Variants in CACNA2D3 observed in about 807,000 individuals in gnomAD.
The protein encoded by CACNA2D3 is calcium voltage-gated channel auxiliary subunit alpha2delta 3, also known as voltage-dependent calcium channel subunit alpha-2/delta-3.
Under a neutral mutation model 160.6 loss-of-function variants are expected in CACNA2D3, and 60 were observed. That is an observed-to-expected ratio of 0.37 (90% CI 0.30 to 0.46). CACNA2D3 has a LOEUF of 0.46. Ranked by LOEUF, CACNA2D3 falls within the 20% of genes least tolerant of loss-of-function variation. CACNA2D3 has a pLI of 1.00. For synonymous variants in CACNA2D3, 558 were observed against 492.9 expected (o/e 1.13, Z -1.75); for missense variants, 1,205 against 1,365.0 (o/e 0.88, Z 1.85).
At chr3:54,407,392 C>T (rs1279990561) in intron 4 of CACNA2D3, among the ~76,000 whole-genome samples, 1 of 152,076 alleles carries the variant, frequency 6.6e-6, no homozygotes. Flanking sequence ...TGAAAGCATG[C>T]CTATTGCTTT....
At chr3:54,384,789 G>A (rs185040502) in intron 3 of CACNA2D3, among the ~76,000 whole-genome samples, 3 of 151,602 alleles carry the variant, frequency 2.0e-5, no homozygotes, top group South Asian at 2.1e-4. Flanking sequence ...GTGTGATCTC[G>A]GCTCACTGCA....
At chr3:54,214,464 GA>G (rs1466596399) in intron 2 of CACNA2D3, among the ~76,000 whole-genome samples, 1 of 152,166 alleles carries the variant, frequency 6.6e-6, no homozygotes, top group Non-Finnish European at 1.5e-5. Flanking sequence ...ACAAGATCTG[GA>G]GCCAAAGGGC....
At chr3:54,832,021 ACACAC>A (rs1703891209) in intron 14 of CACNA2D3, among the ~76,000 whole-genome samples, 1 of 135,382 alleles carries the variant, frequency 7.4e-6, no homozygotes, top group African/African-American at 3.2e-5. Flanking sequence ...TCACACACAC[ACACAC>A]ACACACACAC....
At chr3:55,042,027 T>A (rs1471001517) in intron 35 of CACNA2D3, among the ~76,000 whole-genome samples, 1 of 152,178 alleles carries the variant, frequency 6.6e-6, no homozygotes, top group African/African-American at 2.4e-5. Flanking sequence ...TTCTGCATGA[T>A]GTCAGTATTT....
intron 4 of CACNA2D3, among the ~76,000 whole-genome samples, chr3:54,466,322 A>C (rs1053399345): frequency 4.6e-4 from 70 of 152,212 alleles, no homozygotes; most frequent in African/African-American, 1.6e-3. Flanking sequence ...TACTAAAAGA[A>C]GTCTCAAATT....
chr3:54,902,875 C>T (rs1450254714), intron 27 of CACNA2D3, among the ~76,000 whole-genome samples: 2 of 152,082 alleles, frequency 1.3e-5, no homozygotes, highest in Non-Finnish European at 2.9e-5. Context: ...AATAAAAATG[C>T]TAGAGTTTAG....
At chr3:54,876,151 G>A (rs894938315) in intron 18 of CACNA2D3, 14 of 152,138 alleles carry the variant, frequency 9.2e-5, no homozygotes, top group African/African-American at 3.4e-4. Flanking sequence ...CAAGTTCAAA[G>A]CAGTGAACAT....
rs146831678 is a variant in CACNA2D3 at position 54,232,998 on chromosome 3, A to T, written c.205-87444A>T. Among the ~76,000 whole-genome samples the T allele has an allele frequency of 4.0e-3, 603 of 152,324 alleles. 9 individuals carry two copies. The highest frequency in any genetic ancestry group is 2.7e-3 in the Non-Finnish European group (187 of 68,030). ...GGAGACACCAGCCAGACAAATAGTT[A>T]TACGCAATAAGGTGAATGCTCTGAC... On this transcript the variant is annotated intron_variant, in intron 2 of 37. Coordinates refer to ENST00000474759, the MANE Select transcript of CACNA2D3 (RefSeq NM_018398.3).
chr3:54,928,821 T>C (rs1244686028), intron 27 of CACNA2D3, among the ~76,000 whole-genome samples: 2 of 151,992 alleles, frequency 1.3e-5, no homozygotes, highest in Non-Finnish European at 2.9e-5. Flanking sequence ...CCCTCACTTT[T>C]CACATATAAA....
chr3:54,822,840 C>CTTTCTTTCTTTCTTTCTTTCTTTCT, intron 14 of CACNA2D3, among the ~76,000 whole-genome samples: 7 of 103,696 alleles, frequency 6.8e-5, no homozygotes, highest in African/African-American at 2.9e-4. Context: ...TCTTTTCTTT[C>CTTTCTTTCTTTCTTTCTTTCTTTCT]TTTCTTTCTT....
intron 11 of CACNA2D3, among the ~76,000 whole-genome samples, chr3:54,688,967 G>A (rs916229476): frequency 3.8e-5 from 4 of 104,864 alleles, no homozygotes; most frequent in Non-Finnish European, 5.2e-5. Context: ...GGGAGACAGT[G>A]TGAGACTGTC....
intron 2 of CACNA2D3, among the ~76,000 whole-genome samples, chr3:54,124,514 T>C (rs578139371): frequency 6.6e-6 from 1 of 152,320 alleles, no homozygotes; most frequent in East Asian, 1.9e-4. Context: ...ACAAACAGCT[T>C]AAATTGTTAA....
intron 3 of CACNA2D3, among the ~76,000 whole-genome samples, chr3:54,331,297 T>G (rs1456613415): frequency 1.3e-5 from 2 of 152,206 alleles, no homozygotes; most frequent in African/African-American, 4.8e-5. Flanking sequence ...GCAATCAGCA[T>G]CAGCATGAAT....
chr3:54,769,857 T>C (rs1270189223), intron 13 of CACNA2D3, among the ~76,000 whole-genome samples: 1 of 152,210 alleles, frequency 6.6e-6, no homozygotes, highest in Admixed American at 6.5e-5. Flanking sequence ...TACTCTTTAA[T>C]TCTTTGGAAT....
intron 2 of CACNA2D3, among the ~76,000 whole-genome samples, chr3:54,296,278 A>G (rs570061162): frequency 2.6e-5 from 4 of 152,230 alleles, no homozygotes; most frequent in Admixed American, 2.6e-4. Flanking sequence ...TTTCCAGAGG[A>G]TGTCTTTTGC....
chr3:54,178,698 C>A (rs1314146958), intron 2 of CACNA2D3, among the ~76,000 whole-genome samples: 1 of 152,200 alleles, frequency 6.6e-6, no homozygotes, highest in African/African-American at 2.4e-5. Flanking sequence ...CTAATTGATA[C>A]CATCAACAGA....
chr3:54,321,759 T>C (rs1482072258), intron 3 of CACNA2D3, among the ~76,000 whole-genome samples: 1 of 152,108 alleles, frequency 6.6e-6, no homozygotes, highest in Non-Finnish European at 1.5e-5. Flanking sequence ...GGAGTGTGTT[T>C]CCTTAATGTG....
In CACNA2D3 at chr3:54,571,477, A is replaced by T. The variant is rs1702495698; in HGVS notation, c.888+1373A>T. ...TCTTAGAATTTTATTTTTGGTTTACAATCTCCAGTTCTTTTTCTTCTTCCC... is the reference window on the plus strand; with the variant it reads ...TCTTAGAATTTTATTTTTGGTTTACTATCTCCAGTTCTTTTTCTTCTTCCC... On this transcript the variant is annotated intron_variant, in intron 8 of 37. Transcript: ENST00000474759. 2.0e-5 allele frequency among the ~76,000 whole-genome samples: 3 copies of T among 152,034 alleles called. No individual in the cohort carries two copies. The South Asian group carries it at 6.2e-4, about 32-fold the overall frequency.
At chr3:54,335,083 A>G (rs1421756218) in intron 3 of CACNA2D3, among the ~76,000 whole-genome samples, 1 of 152,240 alleles carries the variant, frequency 6.6e-6, no homozygotes, top group African/African-American at 2.4e-5. Flanking sequence ...ACTAGTTACT[A>G]TTATTCTTGG....
Sources: gnomAD v4.1 joint callset for allele counts (sites outside exome capture counted in the v4.1 genomes callset) on GRCh38, gnomAD v4.1.1 for gene constraint, MANE v1.5 for transcripts, NCBI Gene and HGNC (gene_info 2026-07-23, HGNC 2026-07-21) for gene names.